The following NRCAM variants were observed in gnomAD, a reference collection of about 807,000 sequenced individuals.
NRCAM encodes the protein NgCAM-related cell adhesion molecule.
In NRCAM, 83 loss-of-function variants were observed where a neutral mutation model predicts 156.5. The observed-to-expected ratio is 0.53, with a 90% CI of 0.44 to 0.64. The LOEUF (loss-of-function observed/expected upper bound fraction) is 0.64. Ranked by LOEUF, NRCAM falls within the 30% of genes least tolerant of loss-of-function variation. The pLI, the probability that NRCAM is intolerant of heterozygous loss-of-function variation, is 0.00. For synonymous variants in NRCAM, 538 were observed against 563.9 expected (o/e 0.95, Z 0.65); for missense variants, 1,417 against 1,597.3 (o/e 0.89, Z 1.92).
chr7:108,180,659 G>A lies in NRCAM; in HGVS notation c.2647-232C>T, dbSNP rs75184880. ...CAAAGCTGGGCTACACTACTTTGTC[G>A]TAGGAGTCTAAGGAAAATGAAAACA... On this transcript the variant is annotated intron_variant, in intron 24 of 32. Transcript: ENST00000379028. 4.7e-3 allele frequency among the ~76,000 whole-genome samples: 722 copies of A among 152,302 alleles called. 40 individuals carry two copies. In the East Asian group the frequency reaches 0.12, roughly 26 times the overall value.
rs779566949 is a variant in NRCAM at position 108,191,300 on chromosome 7, T to G, written c.1904-17A>C. 1.1e-5 allele frequency: 17 copies of G among 1,582,232 alleles called. 1 individual carries two copies. In the South Asian group the frequency reaches 1.8e-4, roughly 17 times the overall value. On this transcript the variant is annotated splice_polypyrimidine_tract_variant and intron_variant, in intron 18 of 32. Transcript: ENST00000379028. ...GAGTAGGAGCTAGAAAGGACATTAA[T>G]ATAAAGGATTTTAATCAAAATTAGT... is the stretch of plus-strand genomic sequence containing the variant.
At chr7:108,454,188 C>T (rs1319210870) in intron 1 of NRCAM, among the ~76,000 whole-genome samples, 2 of 152,150 alleles carry the variant, frequency 1.3e-5, no homozygotes, top group Admixed American at 6.5e-5. Context: ...GAATAAAAGG[C>T]TATTCCACAA....
intron 3 of NRCAM, among the ~76,000 whole-genome samples, chr7:108,301,923 C>G (rs569344522): frequency 6.6e-6 from 1 of 152,020 alleles, no homozygotes; most frequent in Admixed American, 6.5e-5. Flanking sequence ...TGTACATGCT[C>G]TAGGGTTAAA....
chr7:108,454,367 A>T (rs1854044929), intron 1 of NRCAM, among the ~76,000 whole-genome samples: 1 of 152,218 alleles, frequency 6.6e-6, no homozygotes, highest in Non-Finnish European at 1.5e-5. Context: ...TGTAAAGCAC[A>T]AGGACAAAAA....
intron 2 of NRCAM, among the ~76,000 whole-genome samples, chr7:108,339,954 G>C (rs1386626064): frequency 6.6e-6 from 1 of 152,118 alleles, no homozygotes; most frequent in African/African-American, 2.4e-5. Flanking sequence ...GGAGAAACCT[G>C]GCCTCCTGAG....
intron 2 of NRCAM, among the ~76,000 whole-genome samples, chr7:108,368,116 TATCTTG>T (rs1038925096): frequency 6.6e-6 from 1 of 152,072 alleles, no homozygotes; most frequent in Non-Finnish European, 1.5e-5. Context: ...TTGTTATTTT[TATCTTG>T]ATCCTCACCA....
At chr7:108,393,220 C>T (rs754817486) in intron 2 of NRCAM, among the ~76,000 whole-genome samples, 3 of 152,114 alleles carry the variant, frequency 2.0e-5, no homozygotes, top group Admixed American at 6.5e-5. Flanking sequence ...CTACCCAGTT[C>T]GAGCTTCCCG....
At chr7:108,260,778 G>A (rs1469414854) in intron 3 of NRCAM, among the ~76,000 whole-genome samples, 1 of 152,160 alleles carries the variant, frequency 6.6e-6, no homozygotes, top group Admixed American at 6.5e-5. Flanking sequence ...CGAGGCTCTG[G>A]AGTGGTGCAT....
intron 13 of NRCAM, among the ~76,000 whole-genome samples, chr7:108,203,449 G>GTTT (rs34404114): frequency 6.4e-4 from 95 of 148,368 alleles, no homozygotes; most frequent in African/African-American, 1.4e-3. Flanking sequence ...AATTTTTCCA[G>GTTT]TTTTTTTTTT....
At chr7:108,276,930 G>C (rs907753961) in intron 3 of NRCAM, among the ~76,000 whole-genome samples, 4 of 152,136 alleles carry the variant, frequency 2.6e-5, no homozygotes, top group African/African-American at 7.2e-5. Flanking sequence ...GGCAGGCCTG[G>C]TGGTGACAAA....
At position 108,160,492 on chromosome 7, in the gene NRCAM, G is replaced by A. The variant is rs755405364; in HGVS notation, c.3467C>T (p.Ala1156Val). The change falls in exon 31 of 33, where the codon GCG becomes GTG. Residue 1156 changes from alanine (A) to valine (V), a missense_variant and splice_region_variant. This residue lies in a region of NRCAM where 179 missense variants were observed against 260.9 expected (regional missense o/e 0.69). Transcript: ENST00000379028. ...AATATCCACCTGCCGGCTTGCCATC[G>A]CTGGAAAACAAATCAATGGTGTTGG... is the stretch of plus-strand genomic sequence containing the variant. Reference protein sequence around the residue: ...SSEDVFETGPAMASRQVDIAT... With the variant: ...SSEDVFETGPVMASRQVDIAT... 9.9e-6 allele frequency: 16 copies of A among 1,612,642 alleles called. No individual in the cohort carries two copies. The highest frequency in any genetic ancestry group is 1.3e-5 in the African/African-American group (1 of 74,960).
At chr7:108,281,492 A>G (rs1052822550) in intron 3 of NRCAM, among the ~76,000 whole-genome samples, 5 of 152,254 alleles carry the variant, frequency 3.3e-5, no homozygotes, top group Admixed American at 3.3e-4. Context: ...AAAGGAAGCT[A>G]TCTTGAGATT....
At chr7:108,365,361 T>C (rs1036908894) in intron 2 of NRCAM, among the ~76,000 whole-genome samples, 2 of 152,178 alleles carry the variant, frequency 1.3e-5, no homozygotes, top group Non-Finnish European at 2.9e-5. Context: ...CAAAGTGTCC[T>C]ATTTACTCCA....
At chr7:108,417,243 A>C (rs1272724972) in intron 1 of NRCAM, among the ~76,000 whole-genome samples, 1 of 152,204 alleles carries the variant, frequency 6.6e-6, no homozygotes, top group Non-Finnish European at 1.5e-5. Flanking sequence ...TATAACAGAA[A>C]ACCTGAGACT....
At chr7:108,328,305 C>T (rs1166328190) in intron 2 of NRCAM, 1 of 152,156 alleles carries the variant, frequency 6.6e-6, no homozygotes, top group African/African-American at 2.4e-5. Context: ...CTAATCTGGG[C>T]TTCGGTTTTA....
chr7:108,197,884 T>G lies in NRCAM; in HGVS notation c.1351+72A>C, dbSNP rs1303528469. On this transcript the variant is annotated intron_variant, in intron 14 of 32. Coordinates refer to ENST00000379028, the MANE Select transcript of NRCAM (RefSeq NM_001037132.4). Reference sequence around the variant, plus strand: ...CACATAGTAGATGCTCAATATATTTTTGCTGATTGAACAGAAAATAACAGC... The same window carrying G: ...CACATAGTAGATGCTCAATATATTTGTGCTGATTGAACAGAAAATAACAGC... The G allele has an allele frequency of 3.4e-6, 4 of 1,173,302 alleles. No homozygotes were observed. The Admixed American group carries it at 1.1e-4, about 33-fold the overall frequency. 72.7% of individuals were successfully genotyped at this position (1,173,302 alleles called of 1,614,324 possible). A position where few individuals can be genotyped will look rare whatever the true frequency, so the allele number is the denominator to read the frequency against.
At chr7:108,325,981 A>G (rs2099064465) in intron 2 of NRCAM, among the ~76,000 whole-genome samples, 2 of 152,254 alleles carry the variant, frequency 1.3e-5, no homozygotes, top group South Asian at 4.1e-4. Context: ...ATATAATTTT[A>G]TAGCTTTATG....
intron 25 of NRCAM, chr7:108,178,431 G>A (rs527956463): frequency 1.0e-5 from 4 of 399,028 alleles, no homozygotes; most frequent in East Asian, 7.2e-5. Context: ...TGTCTTAATA[G>A]AAGCAAACTA....
intron 28 of NRCAM, 47 bp downstream of exon 28, chr7:108,175,275 T>C (rs766431555): frequency 1.8e-5 from 27 of 1,505,638 alleles, no homozygotes; most frequent in Admixed American, 2.0e-5. Context: ...ATGTTTCACA[T>C]TGCAAATTTC....
Sources: allele counts gnomAD v4.1 joint callset (sites outside exome capture counted in the v4.1 genomes callset), GRCh38; gene constraint gnomAD v4.1.1; regional missense constraint gnomAD v4.1.1; transcripts MANE v1.5; gene names NCBI Gene and HGNC (gene_info 2026-07-23, HGNC 2026-07-21).